PDE8A: variants seen among roughly 807,000 people sequenced by gnomAD.
The protein encoded by PDE8A is high affinity cAMP-specific and IBMX-insensitive 3',5'-cyclic phosphodiesterase 8A.
Under a neutral mutation model 105.0 loss-of-function variants are expected in PDE8A, and 59 were observed. The observed-to-expected ratio is 0.56, with a 90% CI of 0.46 to 0.70. The LOEUF (loss-of-function observed/expected upper bound fraction) is 0.70. Among genes scored for constraint, PDE8A ranks in the 30% least tolerant of loss-of-function variants. The probability of loss-of-function intolerance (pLI) is 0.00; values close to 1 mark genes in which losing one functional copy is unlikely to be tolerated. For missense variants in PDE8A, 1,014 were observed against 1,045.9 expected (o/e 0.97, Z 0.42); for synonymous variants, 355 against 371.9 (o/e 0.95, Z 0.52).
chr15:85,048,088 C>G (rs1212077454), intron 1 of PDE8A, among the ~76,000 whole-genome samples: 1 of 152,082 alleles, frequency 6.6e-6, no homozygotes, highest in East Asian at 1.9e-4. Context: ...ATAATATTCA[C>G]TTTTATTTTC....
chr15:85,054,757 A>G (rs192670899), intron 1 of PDE8A, among the ~76,000 whole-genome samples: 200 of 152,204 alleles, frequency 1.3e-3, no homozygotes, highest in African/African-American at 4.6e-3. Context: ...TTTTCAAACA[A>G]CCAGCTCCTG....
intron 1 of PDE8A, among the ~76,000 whole-genome samples, chr15:85,053,396 A>G (rs900749706): frequency 1.4e-4 from 21 of 152,202 alleles, no homozygotes; most frequent in African/African-American, 4.8e-4. Context: ...CATTTAATCT[A>G]TAAGTTGCCT....
chr15:85,054,299 G>A (rs1445274649), intron 1 of PDE8A, among the ~76,000 whole-genome samples: 1 of 152,122 alleles, frequency 6.6e-6, no homozygotes, highest in Admixed American at 6.5e-5. Flanking sequence ...TTGTGTCTCT[G>A]CCAGGCTTTG....
chr15:85,063,553 A>G (rs1048709878), intron 1 of PDE8A: 5 of 152,118 alleles, frequency 3.3e-5, no homozygotes, highest in African/African-American at 1.2e-4. Flanking sequence ...GGTGGTCCTG[A>G]GTTTACAGCA....
At chr15:85,134,309 G>C (rs891401717) in intron 20 of PDE8A, among the ~76,000 whole-genome samples, 9 of 152,184 alleles carry the variant, frequency 5.9e-5, no homozygotes, top group African/African-American at 1.9e-4. Context: ...GCTGGCTTAG[G>C]GTCTAGCGTG....
At chr15:84,997,718 G>A (rs894934620) in intron 1 of PDE8A, among the ~76,000 whole-genome samples, 4 of 151,594 alleles carry the variant, frequency 2.6e-5, no homozygotes, top group Admixed American at 2.6e-4. Flanking sequence ...TCAGCCTTCC[G>A]AGTAACTGGG....
chr15:84,983,908 G>A (rs2079761226), intron 1 of PDE8A, among the ~76,000 whole-genome samples: 2 of 152,330 alleles, frequency 1.3e-5, no homozygotes, highest in South Asian at 2.1e-4. Context: ...GCTTGCTCTT[G>A]TGCTATCGCA....
At chr15:85,115,195 C>T in intron 14 of PDE8A, 1 of 468,296 alleles carries the variant, frequency 2.1e-6, no homozygotes, top group South Asian at 3.1e-5. Context: ...GTTGACCTTG[C>T]TCCTGAGTTT....
chr15:85,066,894 A>G (rs62019480), intron 2 of PDE8A, 120 bp from the exon 3 acceptor site: 300,230 of 678,860 alleles, frequency 0.44, 67,018 homozygotes, highest in African/African-American at 0.52. Flanking sequence ...AGCCAAGATC[A>G]TGCCATTACA....
At chr15:85,128,654 C>G (rs1028893452) in intron 20 of PDE8A, among the ~76,000 whole-genome samples, 1 of 152,160 alleles carries the variant, frequency 6.6e-6, no homozygotes, top group African/African-American at 2.4e-5. Context: ...AGGACTGTAT[C>G]CATAGATATA....
chr15:85,085,573 C>G (rs766278426), intron 6 of PDE8A, among the ~76,000 whole-genome samples: 1 of 151,526 alleles, frequency 6.6e-6, no homozygotes, highest in Non-Finnish European at 1.5e-5. Flanking sequence ...TGGTGAGCAC[C>G]TGTAATCCCA....
chr15:85,112,599 G>A (rs2082036650), intron 12 of PDE8A, among the ~76,000 whole-genome samples: 9 of 152,180 alleles, frequency 5.9e-5, no homozygotes, highest in Admixed American at 5.9e-4. Context: ...TTTGGACGGT[G>A]TCTCTCCTTG....
chr15:85,035,981 C>G (rs186113243), intron 1 of PDE8A, among the ~76,000 whole-genome samples: 2 of 152,296 alleles, frequency 1.3e-5, no homozygotes, highest in African/African-American at 4.8e-5. Flanking sequence ...GCCACCTTTC[C>G]AAATTTTCAG....
At chr15:85,061,229 T>G (rs1056894603) in intron 1 of PDE8A, among the ~76,000 whole-genome samples, 1 of 151,940 alleles carries the variant, frequency 6.6e-6, no homozygotes, top group African/African-American at 2.4e-5. Flanking sequence ...ATTTTTCTTC[T>G]TTTTTATTTA....
At chr15:85,081,036 GTC>G (rs1200373093) in intron 5 of PDE8A, among the ~76,000 whole-genome samples, 1 of 152,192 alleles carries the variant, frequency 6.6e-6, no homozygotes, top group Non-Finnish European at 1.5e-5. Context: ...CTCATCCAGA[GTC>G]TCTTACTTTT....
intron 6 of PDE8A, among the ~76,000 whole-genome samples, 168 bp from the exon 7 acceptor site, chr15:85,089,170 A>C (rs959515805): frequency 6.6e-5 from 10 of 152,170 alleles, no homozygotes; most frequent in Admixed American, 5.9e-4. Context: ...CATAGTGGTG[A>C]TTCCAGTGGA....
At chr15:85,002,328 T>G (rs1275519837) in intron 1 of PDE8A, among the ~76,000 whole-genome samples, 1 of 152,174 alleles carries the variant, frequency 6.6e-6, no homozygotes, top group African/African-American at 2.4e-5. Context: ...CTTACTAGAT[T>G]ACCAGTTTAT....
At chr15:85,134,150 C>G (rs544128842) in intron 20 of PDE8A, among the ~76,000 whole-genome samples, 2 of 152,216 alleles carry the variant, frequency 1.3e-5, no homozygotes, top group Non-Finnish European at 2.9e-5. Flanking sequence ...GAGAAGAAAT[C>G]TAAGCACGAG....
intron 1 of PDE8A, among the ~76,000 whole-genome samples, chr15:84,991,901 A>C (rs28523473): frequency 0.086 from 13,157 of 152,208 alleles, 1,550 homozygotes; most frequent in African/African-American, 0.27. Context: ...TAATCCCAGC[A>C]CTTTGGGAGG....
Sources: gnomAD v4.1 joint callset for allele counts (sites outside exome capture counted in the v4.1 genomes callset) on GRCh38, gnomAD v4.1.1 for gene constraint, MANE v1.5 for transcripts, NCBI Gene and HGNC (gene_info 2026-07-23, HGNC 2026-07-21) for gene names.